The following SYNDIG1 variants were observed in gnomAD, a reference collection of about 807,000 sequenced individuals.
The protein encoded by SYNDIG1 is synapse differentiation inducing 1.
In SYNDIG1, 9 loss-of-function variants were observed where a neutral mutation model predicts 19.4. The ratio of observed to expected loss-of-function variants is 0.46; its 90% CI spans 0.28 to 0.81. SYNDIG1 has a LOEUF of 0.81. Among genes scored for constraint, SYNDIG1 ranks in the 30% least tolerant of loss-of-function variants. The probability of loss-of-function intolerance (pLI) is 0.12; values close to 1 mark genes in which losing one functional copy is unlikely to be tolerated. For synonymous variants in SYNDIG1, 141 were observed against 145.9 expected (o/e 0.97, Z 0.24); for missense variants, 311 against 343.3 (o/e 0.91, Z 0.74).
intron 3 of SYNDIG1, among the ~76,000 whole-genome samples, chr20:24,611,541 G>C (rs1387544289): frequency 2.0e-5 from 3 of 151,952 alleles, no homozygotes; most frequent in East Asian, 1.9e-4. Context: ...ACGGGGTCTC[G>C]GGAGGGTCAC....
intron 2 of SYNDIG1, among the ~76,000 whole-genome samples, chr20:24,553,645 C>G (rs2057753281): frequency 6.6e-6 from 1 of 152,140 alleles, no homozygotes; most frequent in South Asian, 2.1e-4. Context: ...TTTCTGAGGG[C>G]TCTGTTCTGT....
intron 2 of SYNDIG1, among the ~76,000 whole-genome samples, chr20:24,547,967 T>C (rs2057614827): frequency 6.6e-6 from 1 of 152,174 alleles, no homozygotes; most frequent in African/African-American, 2.4e-5. Flanking sequence ...TACATGACGG[T>C]CACCACCTAG....
intron 1 of SYNDIG1, among the ~76,000 whole-genome samples, chr20:24,534,363 C>T (rs1167363033): frequency 1.3e-5 from 2 of 152,216 alleles, no homozygotes; most frequent in Non-Finnish European, 2.9e-5. Flanking sequence ...TAGATCCCAC[C>T]TGGACTCCTG....
chr20:24,555,516 G>A (rs899208418), intron 2 of SYNDIG1, among the ~76,000 whole-genome samples: 50 of 152,114 alleles, frequency 3.3e-4, no homozygotes, highest in Admixed American at 1.5e-3. Flanking sequence ...CTTTGTTCTC[G>A]TTGGTTTCAA....
In SYNDIG1 at chr20:24,657,124, G is replaced by T. The variant is rs1379051051; in HGVS notation, c.619-8222G>T. Among the ~76,000 whole-genome samples, 3 of 152,292 alleles carry T rather than the reference G, an allele frequency of 2.0e-5. No homozygotes were observed. In the East Asian group the frequency reaches 5.8e-4, roughly 29 times the overall value. On this transcript the variant is annotated intron_variant, in intron 3 of 3. Coordinates refer to ENST00000376862, the MANE Select transcript of SYNDIG1 (RefSeq NM_024893.3). ...ATGTTTCCTGTACAGCCTCCAGAAG[G>T]ATGAGCTACTTAAATCTCTTTTCTT...
At chr20:24,602,370 C>A (rs2058691759) in intron 3 of SYNDIG1, among the ~76,000 whole-genome samples, 1 of 152,232 alleles carries the variant, frequency 6.6e-6, no homozygotes. Context: ...TCAAGACCAT[C>A]TTAGTCCACA....
Position 24,514,842 on chromosome 20 carries a change from G to A in SYNDIG1, c.-78-28178G>A, listed in dbSNP as rs372356126. Among the ~76,000 whole-genome samples the A allele has an allele frequency of 1.4e-4, 21 of 152,192 alleles. No individual in the cohort carries two copies. In the South Asian group the frequency reaches 1.5e-3, roughly 11 times the overall value. On this transcript the variant is annotated intron_variant, in intron 1 of 3. Coordinates refer to ENST00000376862, the MANE Select transcript of SYNDIG1 (RefSeq NM_024893.3). ...TACACATTCTTCTCAACACCGCACC[G>A]CACTTATTCCAAAATTGACCACATA... is the stretch of plus-strand genomic sequence containing the variant.
intron 2 of SYNDIG1, among the ~76,000 whole-genome samples, chr20:24,572,351 A>G (rs1490913761): frequency 1.3e-5 from 2 of 152,222 alleles, no homozygotes; most frequent in Non-Finnish European, 2.9e-5. Context: ...AGGAGAGCTC[A>G]GAGAGACTGG....
chr20:24,657,138 A>G (rs926161956), intron 3 of SYNDIG1, among the ~76,000 whole-genome samples: 3 of 152,132 alleles, frequency 2.0e-5, no homozygotes, highest in African/African-American at 7.2e-5. Context: ...AGCTACTTAA[A>G]TCTCTTTTCT....
At chr20:24,531,019 A>G (rs781498239) in intron 1 of SYNDIG1, among the ~76,000 whole-genome samples, 1 of 152,048 alleles carries the variant, frequency 6.6e-6, no homozygotes, top group Non-Finnish European at 1.5e-5. Flanking sequence ...CATGTTGACC[A>G]GGCTGGTCTT....
intron 1 of SYNDIG1, among the ~76,000 whole-genome samples, chr20:24,483,146 G>C (rs191783855): frequency 6.6e-6 from 1 of 152,306 alleles, no homozygotes; most frequent in African/African-American, 2.4e-5. Context: ...GAGCCTCCTA[G>C]AAGTTGAGTG....
intron 3 of SYNDIG1, among the ~76,000 whole-genome samples, chr20:24,616,255 A>G (rs1462112628): frequency 1.3e-5 from 2 of 152,178 alleles, no homozygotes; most frequent in Non-Finnish European, 2.9e-5. Flanking sequence ...ATTTAAGAAC[A>G]CTATTCCGAG....
At chr20:24,576,948 T>C (rs1388775664) in intron 2 of SYNDIG1, among the ~76,000 whole-genome samples, 1 of 152,044 alleles carries the variant, frequency 6.6e-6, no homozygotes, top group Non-Finnish European at 1.5e-5. Flanking sequence ...TAAAAGGCAG[T>C]TTTAAAGTGG....
At chr20:24,661,453 GAGGAAGT>G (rs1316762824) in intron 3 of SYNDIG1, among the ~76,000 whole-genome samples, 2 of 145,740 alleles carry the variant, frequency 1.4e-5, no homozygotes, top group East Asian at 2.1e-4. Flanking sequence ...AGGAAAGAGG[GAGGAAGT>G]AGGAAGGAGG....
intron 2 of SYNDIG1, among the ~76,000 whole-genome samples, chr20:24,581,535 G>A (rs541250544): frequency 1.3e-5 from 2 of 152,156 alleles, no homozygotes; most frequent in East Asian, 3.9e-4. Flanking sequence ...ATCTCCTGCA[G>A]AGATAGCCCC....
chr20:24,556,025 C>T (rs1432667685), intron 2 of SYNDIG1, among the ~76,000 whole-genome samples: 1 of 152,124 alleles, frequency 6.6e-6, no homozygotes, highest in Admixed American at 6.5e-5. Flanking sequence ...ATAGTTAGCT[C>T]TTCTTGTTGA....
chr20:24,656,437 C>T (rs187959938), intron 3 of SYNDIG1, among the ~76,000 whole-genome samples: 11 of 152,308 alleles, frequency 7.2e-5, no homozygotes, highest in African/African-American at 2.2e-4. Flanking sequence ...TGCTGGACCC[C>T]GTGGTGCCCT....
intron 3 of SYNDIG1, among the ~76,000 whole-genome samples, chr20:24,639,038 C>T (rs905564709): frequency 1.3e-5 from 2 of 151,990 alleles, no homozygotes; most frequent in Non-Finnish European, 2.9e-5. Context: ...GACATGGGGG[C>T]CCAGGAAGCA....
At chr20:24,519,826 C>G (rs184789654) in intron 1 of SYNDIG1, among the ~76,000 whole-genome samples, 1 of 151,836 alleles carries the variant, frequency 6.6e-6, no homozygotes, top group African/African-American at 2.4e-5. Flanking sequence ...GACACACGCA[C>G]GCACGCGCAC....
Sources: allele counts gnomAD v4.1 joint callset (sites outside exome capture counted in the v4.1 genomes callset), GRCh38; gene constraint gnomAD v4.1.1; transcripts MANE v1.5; gene names NCBI Gene and HGNC (gene_info 2026-07-23, HGNC 2026-07-21).